Variants in SLC44A5 observed in about 807,000 individuals in gnomAD.
The protein encoded by SLC44A5 is solute carrier family 44 member 5.
A neutral mutation model predicts 101.8 loss-of-function variants in SLC44A5; 57 were observed. That is an observed-to-expected ratio of 0.56 (90% confidence interval 0.45 to 0.70). The LOEUF is 0.70. Ranked by LOEUF, SLC44A5 falls within the 30% of genes least tolerant of loss-of-function variation. The probability of loss-of-function intolerance (pLI) is 0.00; values close to 1 mark genes in which losing one functional copy is unlikely to be tolerated. For missense variants in SLC44A5, 737 were observed against 853.1 expected, an observed-to-expected ratio of 0.86 and a Z score of 1.70; for synonymous variants, 281 against 290.9, an observed-to-expected ratio of 0.97 and a Z score of 0.35.
At chr1:75,227,957 G>T in intron 12 of SLC44A5, 100 bp from the exon 13 acceptor site, 1 of 937,378 alleles carries the variant, frequency 1.1e-6, no homozygotes, top group Admixed American at 3.7e-5. Flanking sequence ...TGATCAGCAT[G>T]GTAATTTCTG....
chr1:75,306,733 CTTTTT>C lies in SLC44A5; in HGVS notation c.102-6053_102-6049del, dbSNP rs771955227. ...ACTGATTCATTTACTGGTTTCCTTT[CTTTTT>C]TTTTTTTTTTTTTTGAGACGGAGTC... On this transcript the variant is annotated intron_variant, in intron 4 of 23. Coordinates refer to ENST00000370859, the MANE Select transcript of SLC44A5 (RefSeq NM_001130058.2). Among the ~76,000 whole-genome samples the C allele has an allele frequency of 4.6e-4, 47 of 102,598 alleles. No homozygotes were observed. In the South Asian group the frequency reaches 8.6e-3, roughly 19 times the overall value. The allele number at this position is 102,598 out of a possible 152,430, so 67.3% of individuals were successfully genotyped here.
chr1:75,394,541 G>A (rs1020069872), intron 3 of SLC44A5, among the ~76,000 whole-genome samples: 8 of 152,114 alleles, frequency 5.3e-5, no homozygotes, highest in African/African-American at 1.9e-4. Context: ...GCTGATAGAG[G>A]TACTATGAGC....
chr1:75,473,045 G>C (rs1213980048), intron 2 of SLC44A5, among the ~76,000 whole-genome samples: 1 of 152,186 alleles, frequency 6.6e-6, no homozygotes, highest in East Asian at 1.9e-4. Flanking sequence ...AATACTAGCT[G>C]TAATTCAGTG....
chr1:75,455,311 T>C (rs981351990), intron 2 of SLC44A5, among the ~76,000 whole-genome samples: 8 of 152,136 alleles, frequency 5.3e-5, no homozygotes, highest in African/African-American at 1.7e-4. Flanking sequence ...TGGCTAGCCA[T>C]GTGCAGAAGA....
chr1:75,671,584 A>G, the SLC44A5 span, among the ~76,000 whole-genome samples: 6,706 of 152,302 alleles, frequency 0.044, 202 homozygotes, highest in African/African-American at 0.092. Context: ...TCACAGTTCA[A>G]TATCTCCAGC....
chr1:75,690,915 A>G, the SLC44A5 span, among the ~76,000 whole-genome samples: 1 of 152,192 alleles, frequency 6.6e-6, no homozygotes, highest in East Asian at 1.9e-4. Context: ...ATCACTTGAG[A>G]TCAGGAGTTC....
the SLC44A5 span, among the ~76,000 whole-genome samples, chr1:75,659,489 G>GAAGA: frequency 0.01 from 621 of 61,462 alleles, 41 homozygotes; most frequent in African/African-American, 0.023. Context: ...AGGAAGGAAG[G>GAAGA]AAGGCAGGCA....
At chr1:75,505,859 G>A (rs910545138) in intron 2 of SLC44A5, among the ~76,000 whole-genome samples, 2 of 151,968 alleles carry the variant, frequency 1.3e-5, no homozygotes, top group African/African-American at 4.8e-5. Flanking sequence ...AGTTTAGCTA[G>A]GTCTCACTTG....
At chr1:75,625,789 T>C in the SLC44A5 span, among the ~76,000 whole-genome samples, 1 of 152,166 alleles carries the variant, frequency 6.6e-6, no homozygotes, top group Non-Finnish European at 1.5e-5. Context: ...ACCCCTGTAG[T>C]TTCTGACTCC....
chr1:75,449,890 A>G (rs1229884568), intron 2 of SLC44A5, among the ~76,000 whole-genome samples: 1 of 152,058 alleles, frequency 6.6e-6, no homozygotes, highest in South Asian at 2.1e-4. Context: ...AGTACCAGCT[A>G]CTCAGGAGGC....
At chr1:75,326,123 TGTA>T (rs1656579669) in intron 4 of SLC44A5, among the ~76,000 whole-genome samples, 1 of 149,240 alleles carries the variant, frequency 6.7e-6, no homozygotes, top group Non-Finnish European at 1.5e-5. Context: ...TGTGTGTGTG[TGTA>T]TAATATTTTA....
Position 75,541,336 on chromosome 1 carries a change from T to C in SLC44A5, c.13+99A>G, listed in dbSNP as rs1671345470. ...CAGCTTCCAGTGACAACATAGTATA[T>C]ACTCATTTTTCTATTTGTCCTTATT... On this transcript the variant is annotated intron_variant, in intron 2 of 23. Transcript: ENST00000370859. 7.7e-6 allele frequency: 7 copies of C among 912,570 alleles called. No individual in the cohort carries two copies. The East Asian group carries it at 1.9e-4, about 24-fold the overall frequency. 56.5% of individuals were successfully genotyped at this position (912,570 alleles called of 1,614,324 possible).
At chr1:75,464,455 C>T (rs1473389172) in intron 2 of SLC44A5, among the ~76,000 whole-genome samples, 1 of 151,560 alleles carries the variant, frequency 6.6e-6, no homozygotes. Flanking sequence ...AATCACATCA[C>T]CAGAGAAAAT....
chr1:75,402,916 C>T (rs1230929862), intron 2 of SLC44A5, among the ~76,000 whole-genome samples: 1 of 152,170 alleles, frequency 6.6e-6, no homozygotes, highest in Non-Finnish European at 1.5e-5. Context: ...ATCCCACACA[C>T]ATTAAGACCA....
intron 1 of SLC44A5, among the ~76,000 whole-genome samples, chr1:75,595,717 A>C (rs1557945288): frequency 6.6e-6 from 1 of 152,192 alleles, no homozygotes. Context: ...TCATATGTTC[A>C]TTTAACAAAT....
the SLC44A5 span, among the ~76,000 whole-genome samples, chr1:75,699,666 T>C: frequency 3.3e-5 from 5 of 149,484 alleles, no homozygotes; most frequent in Middle Eastern, 3.3e-3. Context: ...AATATTAACC[T>C]TAAATGTAAA....
At chr1:75,468,707 G>T (rs973946477) in intron 2 of SLC44A5, among the ~76,000 whole-genome samples, 1 of 152,128 alleles carries the variant, frequency 6.6e-6, no homozygotes, top group South Asian at 2.1e-4. Context: ...ATGTGGGGAT[G>T]GTTAATGGGT....
At chr1:75,411,140 T>A (rs1663251898) in intron 2 of SLC44A5, among the ~76,000 whole-genome samples, 1 of 152,172 alleles carries the variant, frequency 6.6e-6, no homozygotes, top group Non-Finnish European at 1.5e-5. Context: ...CCGAGTTTTA[T>A]CTAGGTCCTT....
Position 75,431,324 on chromosome 1 carries a change from C to G in SLC44A5, c.14-34703G>C, listed in dbSNP as rs3914236. On this transcript the variant is annotated intron_variant, in intron 2 of 23. Coordinates refer to ENST00000370859, the MANE Select transcript of SLC44A5 (RefSeq NM_001130058.2). ...AAACCCTCAGTGGTTCCCCTCCCCG[C>G]AAGCTATCATGATTACTATTCAGAC... 9.9e-3 allele frequency among the ~76,000 whole-genome samples: 1,510 copies of G among 152,244 alleles called. 80 individuals carry two copies. The highest frequency in any genetic ancestry group is 0.088 in the Admixed American group (1,349 of 15,284).
Sources: gnomAD v4.1 joint callset for allele counts (sites outside exome capture counted in the v4.1 genomes callset) on GRCh38, gnomAD v4.1.1 for gene constraint, MANE v1.5 for transcripts, NCBI Gene and HGNC (gene_info 2026-07-23, HGNC 2026-07-21) for gene names.